GUCY2F: variants seen among roughly 807,000 people sequenced by gnomAD.
GUCY2F encodes retinal guanylyl cyclase 2.
A neutral mutation model predicts 73.1 loss-of-function variants in GUCY2F; 61 were observed. The ratio of observed to expected loss-of-function variants is 0.83; its 90% CI spans 0.68 to 1.03. The LOEUF (loss-of-function observed/expected upper bound fraction) is 1.03, where lower values mean the gene tolerates loss of function less well. GUCY2F is among the 50% of genes least tolerant of loss of function. GUCY2F has a pLI of 0.00. For synonymous variants in GUCY2F, 331 were observed against 307.8 expected, an observed-to-expected ratio of 1.08 and a Z score of -0.79; for missense variants, 912 against 854.3, an observed-to-expected ratio of 1.07 and a Z score of -0.84.
chrX:109,453,615 A>G lies in GUCY2F; in HGVS notation c.1277T>C (p.Met426Thr). The G allele has an allele frequency of 1.7e-6, 2 of 1,203,752 alleles. No individual in the cohort carries two copies. The highest frequency in any genetic ancestry group is 2.3e-6 in the Non-Finnish European group (2 of 888,480). Residue 426 changes from methionine to threonine, a missense_variant, in exon 4 of 20, where the codon ATG becomes ACG. Met to Thr is a moderately conservative substitution (Grantham distance 81). Transcript: ENST00000218006. The part of the protein sequence containing the change: ...WELHSTYTVD[M>T]EMELLRFGGT... ...TCCGAAACGTAGCAGCTCCATTTCC[A>G]TGTCCACAGTGTAGGTGCTATGGAG... is the stretch of plus-strand genomic sequence containing the variant.
chrX:109,377,179 T>G (rs1930199540), intron 17 of GUCY2F, among the ~76,000 whole-genome samples: 1 of 111,685 alleles, frequency 9.0e-6, no homozygotes, highest in East Asian at 2.8e-4. Flanking sequence ...TTGGAGAATC[T>G]CAAAGCATTT....
chrX:109,394,053 TC>T (rs1930643381), intron 12 of GUCY2F, among the ~76,000 whole-genome samples: 2 of 111,197 alleles, frequency 1.8e-5, no homozygotes, highest in South Asian at 7.7e-4. Context: ...TGCTTTGGGC[TC>T]CCCCTATTGC....
intron 10 of GUCY2F, among the ~76,000 whole-genome samples, chrX:109,401,223 TC>T (rs1355368578): frequency 8.9e-6 from 1 of 112,081 alleles, no homozygotes; most frequent in East Asian, 2.8e-4. Context: ...AGAGTTGAAC[TC>T]TCGGGAAAAC....
intron 8 of GUCY2F, among the ~76,000 whole-genome samples, chrX:109,410,355 C>T (rs1931080640): frequency 8.9e-6 from 1 of 111,896 alleles, no homozygotes; most frequent in South Asian, 3.7e-4. Context: ...GAGATGATAC[C>T]GTAAAATGTA....
chrX:109,461,792 A>G (rs976957341), intron 3 of GUCY2F, among the ~76,000 whole-genome samples: 1 of 112,331 alleles, frequency 8.9e-6, no homozygotes, highest in Non-Finnish European at 1.9e-5. Context: ...TGGCTCTAAC[A>G]TACCATTGCT....
chrX:109,409,293 T>G (rs765728727), intron 8 of GUCY2F, 125 bp from the exon 9 acceptor site: 177 of 436,966 alleles, frequency 4.1e-4, no homozygotes, highest in African/African-American at 3.9e-3. Context: ...GAATTTTGAC[T>G]CCCATGATGA....
intron 8 of GUCY2F, among the ~76,000 whole-genome samples, chrX:109,414,257 A>G (rs1277621166): frequency 4.5e-5 from 5 of 111,679 alleles, no homozygotes; most frequent in African/African-American, 1.6e-4. Flanking sequence ...CAGGCACGAG[A>G]CACTGTGCCT....
intron 12 of GUCY2F, 80 bp downstream of exon 12, chrX:109,395,261 G>A: frequency 1.2e-6 from 1 of 869,100 alleles, no homozygotes; most frequent in East Asian, 3.1e-5. Flanking sequence ...TCCACAATAT[G>A]ACAAGGACCC....
At chrX:109,427,210 A>G (rs1931509022) in intron 8 of GUCY2F, among the ~76,000 whole-genome samples, 1 of 112,019 alleles carries the variant, frequency 8.9e-6, no homozygotes, top group Non-Finnish European at 1.9e-5. Flanking sequence ...ATTTTTTCAC[A>G]AAGTAAACAC....
At chrX:109,440,778 C>A (rs1278656414) in intron 7 of GUCY2F, among the ~76,000 whole-genome samples, 3 of 112,020 alleles carry the variant, frequency 2.7e-5, no homozygotes, top group Non-Finnish European at 3.8e-5. Flanking sequence ...TACAGGGTGG[C>A]CTCTTAAAGC....
At chrX:109,441,621 C>T (rs996968118) in intron 6 of GUCY2F, 139 bp from the exon 7 acceptor site, 6 of 400,820 alleles carry the variant, frequency 1.5e-5, no homozygotes, top group Admixed American at 4.5e-5. Flanking sequence ...ATTCATTTTC[C>T]CTATCCTTCT....
At chrX:109,382,487 G>A (rs371384943) in intron 16 of GUCY2F, among the ~76,000 whole-genome samples, 2 of 111,960 alleles carry the variant, frequency 1.8e-5, no homozygotes, top group Non-Finnish European at 3.8e-5. Flanking sequence ...TAACTCAAAG[G>A]TTGAGATGGA....
At chrX:109,377,117 A>G (rs1195297076) in intron 17 of GUCY2F, among the ~76,000 whole-genome samples, 1 of 112,063 alleles carries the variant, frequency 8.9e-6, no homozygotes, top group East Asian at 2.8e-4. Flanking sequence ...TATATCACAT[A>G]TATTTATCCC....
rs1183832113 is a variant in GUCY2F at position 109,430,356 on chromosome X, A to G, written c.1742T>C (p.Phe581Ser). ...VWLKKFSLGD[F>S]GDLKSIKSRA... ...TGATTTGATGGACTTAAGGTCTCCA[A>G]AATCTCCAAGGGAGAACTTTTTCAG... Residue 581 changes from phenylalanine (F) to serine (S), a missense_variant, in exon 8 of 20, where the codon TTT becomes TCT. Phe to Ser is a radical substitution (Grantham distance 155). Transcript: ENST00000218006. 8.7e-7 allele frequency: 1 copy of G among 1,149,694 alleles called. No individual in the cohort carries two copies. The highest frequency in any genetic ancestry group is 1.2e-6 in the Non-Finnish European group (1 of 838,622). 94.7% of individuals were successfully genotyped at this position (1,149,694 alleles called of 1,213,427 possible). A position where few individuals can be genotyped will look rare whatever the true frequency, so the allele number is the denominator to read the frequency against.
At chrX:109,459,835 C>T (rs893040867) in intron 3 of GUCY2F, among the ~76,000 whole-genome samples, 3 of 111,247 alleles carry the variant, frequency 2.7e-5, no homozygotes, top group African/African-American at 9.8e-5. Context: ...TTCAAATCTG[C>T]AGACATCTAA....
chrX:109,409,968 C>T (rs1403119798), intron 8 of GUCY2F, among the ~76,000 whole-genome samples: 1 of 111,200 alleles, frequency 9.0e-6, no homozygotes, highest in Non-Finnish European at 1.9e-5. Context: ...CTGAATTCTG[C>T]AGGCAACCTG....
intron 11 of GUCY2F, among the ~76,000 whole-genome samples, chrX:109,396,842 G>C (rs1930722966): frequency 8.9e-6 from 1 of 112,299 alleles, no homozygotes; most frequent in Admixed American, 9.4e-5. Flanking sequence ...CAGTACAACA[G>C]ATTCCATGAG....
rs781665158 is a variant in GUCY2F at position 109,447,480 on chromosome X, A to G, written c.1569+589T>C. The stretch of plus-strand genomic sequence containing the variant: ...ATGAGTTCATGTCCTTTGTAGGGAC[A>G]TGGATGAAGCTGGAAACCATCATTC... On this transcript the variant is annotated intron_variant, in intron 6 of 19. Transcript: ENST00000218006. Among the ~76,000 whole-genome samples the G allele has an allele frequency of 4.3e-3, 469 of 110,218 alleles. 2 individuals carry two copies. The highest frequency in any genetic ancestry group is 6.3e-3 in the Non-Finnish European group (333 of 52,747).
Position 109,453,867 on chromosome X carries a change from T to A in GUCY2F, c.1033-8A>T. The A allele has an allele frequency of 2.9e-6, 3 of 1,047,980 alleles. No individual in the cohort carries two copies. Among genetic ancestry groups the A allele is most frequent in the Non-Finnish European group, 3.9e-6 (3 of 765,380 alleles). 86.4% of individuals were successfully genotyped at this position (1,047,980 alleles called of 1,213,427 possible). A position where few individuals can be genotyped will look rare whatever the true frequency, so the allele number is the denominator to read the frequency against. On this transcript the variant is annotated splice_region_variant and splice_polypyrimidine_tract_variant and intron_variant, in intron 3 of 19. Transcript: ENST00000218006. ...TCCAAACAACGGTGAAACCTATTTTTAAAAATTACAATTATCTTGAGCCCT... is the reference window on the plus strand; with the variant it reads ...TCCAAACAACGGTGAAACCTATTTTAAAAAATTACAATTATCTTGAGCCCT...
Sources: allele counts gnomAD v4.1 joint callset (sites outside exome capture counted in the v4.1 genomes callset), GRCh38; gene constraint gnomAD v4.1.1; transcripts MANE v1.5; gene names NCBI Gene and HGNC (gene_info 2026-07-23, HGNC 2026-07-21).